Variants in MINDY4 observed in about 807,000 individuals in gnomAD.
The protein encoded by MINDY4 is MINDY lysine 48 deubiquitinase 4.
In MINDY4, 68 loss-of-function variants were observed where a neutral mutation model predicts 87.0. The ratio of observed to expected loss-of-function variants is 0.78; its 90% CI spans 0.64 to 0.96. MINDY4 has a LOEUF of 0.96. Ranked by LOEUF, MINDY4 falls within the 40% of genes least tolerant of loss-of-function variation. The pLI is 0.00. For missense variants in MINDY4, 919 were observed against 928.2 expected (o/e 0.99, Z 0.13); for synonymous variants, 379 against 363.2 (o/e 1.04, Z -0.50).
intron 5 of MINDY4, among the ~76,000 whole-genome samples, chr7:30,814,498 C>T (rs1420641672): frequency 6.6e-6 from 1 of 152,204 alleles, no homozygotes; most frequent in Non-Finnish European, 1.5e-5. Context: ...ATTTTCCAAG[C>T]CTCAGTGTCT....
At chr7:30,882,150 G>C (rs766068730) in intron 15 of MINDY4, 31 bp from the exon 16 acceptor site, 2 of 1,571,414 alleles carry the variant, frequency 1.3e-6, no homozygotes, top group Non-Finnish European at 8.7e-7. Context: ...CCTGGGGACG[G>C]CATTTCACAT....
At chr7:30,885,867 A>T (rs558179334) in intron 17 of MINDY4, among the ~76,000 whole-genome samples, 1 of 152,184 alleles carries the variant, frequency 6.6e-6, no homozygotes, top group South Asian at 2.1e-4. Flanking sequence ...AACTTTGCTG[A>T]CACCAGCTGC....
intron 5 of MINDY4, among the ~76,000 whole-genome samples, chr7:30,812,267 G>GT (rs1465865349): frequency 4.0e-4 from 23 of 57,132 alleles, no homozygotes; most frequent in Non-Finnish European, 6.7e-4. Flanking sequence ...GTGTATGTGT[G>GT]TTGAGGGGGG....
At chr7:30,877,321 T>C (rs532746055) in intron 15 of MINDY4, among the ~76,000 whole-genome samples, 40 of 152,282 alleles carry the variant, frequency 2.6e-4, no homozygotes, top group African/African-American at 9.6e-4. Context: ...GAGTAAACTA[T>C]TTTCCTGTGG....
intron 13 of MINDY4, among the ~76,000 whole-genome samples, chr7:30,861,356 G>A (rs959261461): frequency 2.6e-5 from 4 of 152,218 alleles, no homozygotes; most frequent in Non-Finnish European, 1.5e-5. Flanking sequence ...GCACATGAAC[G>A]CATCGAGTCC....
chr7:30,797,931 T>C (rs7803974), intron 5 of MINDY4, among the ~76,000 whole-genome samples: 76,778 of 152,006 alleles, frequency 0.51, 20,011 homozygotes, highest in African/African-American at 0.58. Context: ...AGCAGGGCTA[T>C]GTTCTGAGAA....
intron 2 of MINDY4, chr7:30,780,077 G>A (rs1321318011): frequency 6.6e-6 from 1 of 152,226 alleles, no homozygotes; most frequent in Admixed American, 6.5e-5. Context: ...GCCCCGTGAA[G>A]TCTATCAGAG....
At chr7:30,869,915 G>C (rs60547880) in intron 13 of MINDY4, among the ~76,000 whole-genome samples, 3,673 of 152,230 alleles carry the variant, frequency 0.024, 168 homozygotes, top group African/African-American at 0.084. Context: ...TTGTTCCTCT[G>C]CTCAAGGACT....
intron 15 of MINDY4, among the ~76,000 whole-genome samples, chr7:30,877,051 G>A (rs1415248595): frequency 6.6e-6 from 1 of 152,098 alleles, no homozygotes; most frequent in Non-Finnish European, 1.5e-5. Context: ...CATGCCAAAA[G>A]CAGACTTCTG....
intron 5 of MINDY4, among the ~76,000 whole-genome samples, chr7:30,825,586 T>G (rs1788475681): frequency 6.6e-6 from 1 of 152,178 alleles, no homozygotes; most frequent in East Asian, 1.9e-4. Context: ...AAGACCAAAG[T>G]AGAGCATTTG....
chr7:30,885,100 T>C (rs1467357488), intron 17 of MINDY4, among the ~76,000 whole-genome samples: 1 of 152,240 alleles, frequency 6.6e-6, no homozygotes, highest in African/African-American at 2.4e-5. Flanking sequence ...TGAGCAGTCA[T>C]GCATGGAAAA....
Position 30,815,060 on chromosome 7 carries a change from C to T in MINDY4, c.1074-13619C>T, listed in dbSNP as rs73685801. On this transcript the variant is annotated intron_variant, in intron 5 of 17. Coordinates refer to ENST00000265299, the MANE Select transcript of MINDY4 (RefSeq NM_032222.3). ...GTTGGTGCAGCTTACTTCCCTGACA[C>T]GTTGGTTGGTCTTTATAAGGACAGT... Among the ~76,000 whole-genome samples the T allele has an allele frequency of 8.6e-3, 1,306 of 152,302 alleles. 17 individuals are homozygous for T. The highest frequency in any genetic ancestry group is 0.03 in the African/African-American group (1,242 of 41,574).
chr7:30,828,725 G>T lies in MINDY4; in HGVS notation c.1120G>T (p.Ala374Ser), dbSNP rs745436069. 4.3e-6 allele frequency: 7 copies of T among 1,613,288 alleles called. No individual in the cohort carries two copies. The South Asian group carries it at 7.7e-5, about 18-fold the overall frequency. ...PSDKVDGELG[A>S]LRLEDVEDEL... ...TGACAAGGTGGATGGTGAGCTGGGTGCCCTGCGGCTCGGTAGGTGCAGCGG... is the reference window on the plus strand; with the variant it reads ...TGACAAGGTGGATGGTGAGCTGGGTTCCCTGCGGCTCGGTAGGTGCAGCGG... Residue 374 changes from alanine to serine, a missense_variant, in exon 6 of 18, where the codon GCC becomes TCC. Ala to Ser is a moderately conservative substitution (Grantham distance 99). Transcript: ENST00000265299.
chr7:30,872,249 C>A lies in MINDY4; in HGVS notation c.1752C>A (p.Arg584=). 6.2e-7 allele frequency: 1 copy of A among 1,614,126 alleles called. No homozygotes were observed. Residue 584 remains arginine (R), a synonymous_variant, in exon 14 of 18, where the codon CGC becomes CGA. Transcript: ENST00000265299. Reference sequence around the variant, plus strand: ...TGCTTCTTGTGTTTTCCAGCATCCGCCAGGACTTTGATGTCCCCACCAGCC... The same window carrying A: ...TGCTTCTTGTGTTTTCCAGCATCCGACAGGACTTTGATGTCCCCACCAGCC... ...AILSRSTELI[R]QDFDVPTSHL...
At chr7:30,821,839 TTA>T (rs1210498083) in intron 5 of MINDY4, among the ~76,000 whole-genome samples, 1 of 152,226 alleles carries the variant, frequency 6.6e-6, no homozygotes, top group East Asian at 1.9e-4. Context: ...AATCTACTGT[TTA>T]TGTTTACCAA....
rs777665135 is a variant in MINDY4, at chr7:30,859,274, T to G, written c.1695T>G (p.Tyr565Ter). Residue 565 changes from tyrosine (Y) to a stop codon, truncating the protein, a stop_gained, in exon 13 of 18, where the codon TAT becomes TAG. Transcript: ENST00000265299. LOFTEE classifies it high-confidence loss of function. ...QSIHQFEVGP[Y>*]GCILLTLSAI... Reference sequence around the variant, plus strand: ...CCTCCCAGTTTGAAGTGGGCCCCTATGGCTGCATCCTGCTCACCCTTTCTG... The same window carrying G: ...CCTCCCAGTTTGAAGTGGGCCCCTAGGGCTGCATCCTGCTCACCCTTTCTG... The G allele has an allele frequency of 5.6e-6, 9 of 1,614,046 alleles. No individual in the cohort carries two copies. The Admixed American group carries it at 1.5e-4, about 27-fold the overall frequency.
intron 6 of MINDY4, among the ~76,000 whole-genome samples, chr7:30,829,695 T>TC (rs1178296201): frequency 6.6e-6 from 1 of 152,132 alleles, no homozygotes; most frequent in East Asian, 1.9e-4. Context: ...TCCTCAGAGC[T>TC]CCCCAGATGG....
chr7:30,890,242 A>G (rs1014362366), intron 17 of MINDY4, among the ~76,000 whole-genome samples: 1 of 152,218 alleles, frequency 6.6e-6, no homozygotes, highest in Non-Finnish European at 1.5e-5. Flanking sequence ...CAGCGTTCCT[A>G]TTTGGACAAA....
chr7:30,812,967 G>A (rs868832257), intron 5 of MINDY4, among the ~76,000 whole-genome samples: 10 of 152,204 alleles, frequency 6.6e-5, no homozygotes, highest in African/African-American at 2.4e-4. Flanking sequence ...TTTGGTCAGC[G>A]CTCTTCCTGG....
Sources: gnomAD v4.1 joint callset for allele counts (sites outside exome capture counted in the v4.1 genomes callset) on GRCh38, gnomAD v4.1.1 for gene constraint, MANE v1.5 for transcripts, NCBI Gene and HGNC (gene_info 2026-07-23, HGNC 2026-07-21) for gene names.